LARGE1: variants seen among roughly 807,000 people sequenced by gnomAD.
LARGE1 encodes the protein LARGE xylosyl- and glucuronyltransferase 1, also known as xylosyl- and glucuronyltransferase LARGE1.
Under a neutral mutation model 87.6 loss-of-function variants are expected in LARGE1, and 43 were observed. That is an observed-to-expected ratio of 0.49 (90% CI 0.38 to 0.63). The LOEUF is 0.63. LARGE1 is among the 30% of genes least tolerant of loss of function. The pLI is 0.00. For synonymous variants in LARGE1, 434 were observed against 394.6 expected, an observed-to-expected ratio of 1.10 and a Z score of -1.18; for missense variants, 802 against 1,000.2, an observed-to-expected ratio of 0.80 and a Z score of 2.67.
chr22:33,545,489 T>A (rs1602353601), intron 6 of LARGE1, among the ~76,000 whole-genome samples: 1 of 151,984 alleles, frequency 6.6e-6, no homozygotes, highest in East Asian at 1.9e-4. Flanking sequence ...TTGCCCAGGC[T>A]GGAGTGCAGT....
At chr22:33,727,776 C>G (rs1260520384) in intron 2 of LARGE1, 1 of 152,198 alleles carries the variant, frequency 6.6e-6, no homozygotes, top group Non-Finnish European at 1.5e-5. Flanking sequence ...GAAACTAGTT[C>G]CTCTCTCTAA....
chr22:33,276,107 G>A (rs1027928030), intron 14 of LARGE1, among the ~76,000 whole-genome samples: 1 of 151,910 alleles, frequency 6.6e-6, no homozygotes, highest in African/African-American at 2.4e-5. Context: ...AACGGCCAGC[G>A]CTCAGTATCC....
At chr22:33,174,719 C>T (rs1193900071) in intron 11 of LARGE1, among the ~76,000 whole-genome samples, 3 of 152,014 alleles carry the variant, frequency 2.0e-5, no homozygotes, top group Admixed American at 6.6e-5. Flanking sequence ...AACACCTCTA[C>T]GCAAGTAAAC....
intron 11 of LARGE1, among the ~76,000 whole-genome samples, chr22:33,185,568 A>G (rs1439340693): frequency 5.3e-5 from 8 of 152,122 alleles, no homozygotes; most frequent in African/African-American, 1.7e-4. Context: ...GGTGATAATG[A>G]TATGTCAATG....
At chr22:33,791,151 C>T (rs541565823) in intron 1 of LARGE1, among the ~76,000 whole-genome samples, 14 of 152,184 alleles carry the variant, frequency 9.2e-5, no homozygotes, top group African/African-American at 2.9e-4. Flanking sequence ...AGCTCATGAG[C>T]GAGATAAATC....
At chr22:33,286,698 C>A (rs570358866) in intron 12 of LARGE1, among the ~76,000 whole-genome samples, 1 of 152,112 alleles carries the variant, frequency 6.6e-6, no homozygotes, top group South Asian at 2.1e-4. Context: ...GAGGGCAGAA[C>A]TATAAAGGGA....
the LARGE1 span, among the ~76,000 whole-genome samples, chr22:33,089,371 C>CTTCTTCTTCTTCTT: frequency 3.9e-5 from 3 of 76,048 alleles, no homozygotes; most frequent in African/African-American, 1.3e-4. Context: ...TTCTTCTTCT[C>CTTCTTCTTCTTCTT]CTTCTTCTTC....
intron 11 of LARGE1, among the ~76,000 whole-genome samples, chr22:33,228,184 A>G (rs1198811662): frequency 6.6e-6 from 1 of 152,252 alleles, no homozygotes; most frequent in Admixed American, 6.5e-5. Flanking sequence ...ATACATCTGA[A>G]GTATTTAGAG....
intron 1 of LARGE1, among the ~76,000 whole-genome samples, chr22:33,821,497 G>A (rs909660099): frequency 6.6e-6 from 1 of 152,140 alleles, no homozygotes; most frequent in South Asian, 2.1e-4. Context: ...TCTGACAAAT[G>A]TTTGTCTGAC....
At chr22:33,581,209 C>T (rs1602547991) in intron 5 of LARGE1, among the ~76,000 whole-genome samples, 1 of 152,130 alleles carries the variant, frequency 6.6e-6, no homozygotes, top group African/African-American at 2.4e-5. Flanking sequence ...TTAAAATTTG[C>T]CCCTTCTGAC....
At chr22:33,571,547 T>A (rs2078205062) in intron 5 of LARGE1, among the ~76,000 whole-genome samples, 1 of 151,890 alleles carries the variant, frequency 6.6e-6, no homozygotes. Flanking sequence ...GAAAAGAGAC[T>A]GGTTTTGTCA....
intron 6 of LARGE1, among the ~76,000 whole-genome samples, chr22:33,439,582 ACTCT>A (rs923856521): frequency 2.0e-5 from 3 of 151,434 alleles, no homozygotes; most frequent in African/African-American, 7.3e-5. Context: ...CCCTTTTGTT[ACTCT>A]CTATTTTATC....
intron 9 of LARGE1, among the ~76,000 whole-genome samples, chr22:33,377,857 A>G (rs1035419549): frequency 6.6e-6 from 1 of 152,212 alleles, no homozygotes; most frequent in Non-Finnish European, 1.5e-5. Context: ...ATATCCATTT[A>G]ATTTCAATAA....
intron 6 of LARGE1, among the ~76,000 whole-genome samples, chr22:33,489,014 G>A (rs2069706822): frequency 1.3e-5 from 2 of 152,180 alleles, no homozygotes; most frequent in Non-Finnish European, 2.9e-5. Flanking sequence ...TCTCTGCTCA[G>A]TCCACCAGCA....
chr22:33,879,159 AC>A (rs1367095826), intron 1 of LARGE1, among the ~76,000 whole-genome samples: 1 of 151,994 alleles, frequency 6.6e-6, no homozygotes, highest in African/African-American at 2.4e-5. Flanking sequence ...TTTAGTAGAG[AC>A]AGGGTTTCTC....
intron 2 of LARGE1, among the ~76,000 whole-genome samples, chr22:33,720,659 G>A (rs1452505216): frequency 3.3e-5 from 5 of 152,222 alleles, no homozygotes; most frequent in African/African-American, 4.8e-5. Flanking sequence ...AGAGTCCAGA[G>A]AATGTGGCCT....
chr22:33,790,504 C>A (rs545511140), intron 1 of LARGE1, among the ~76,000 whole-genome samples: 3 of 152,246 alleles, frequency 2.0e-5, no homozygotes, highest in African/African-American at 7.2e-5. Context: ...ATATTTTTAA[C>A]TCTAGAACTC....
intron 1 of LARGE1, among the ~76,000 whole-genome samples, chr22:33,891,423 T>C (rs2065001846): frequency 7.4e-6 from 1 of 135,742 alleles, no homozygotes; most frequent in Non-Finnish European, 1.5e-5. Context: ...CAAGGCACCA[T>C]GCTATGTGCT....
At chr22:33,270,330 G>A (rs1296553025), downstream of LARGE1, among the ~76,000 whole-genome samples, 2 of 152,080 alleles carry the variant, frequency 1.3e-5, no homozygotes, top group African/African-American at 2.4e-5. Context: ...TGAGGAAAAC[G>A]AAGTATATGA....
Sources: gnomAD v4.1 joint callset for allele counts (sites outside exome capture counted in the v4.1 genomes callset) on GRCh38, gnomAD v4.1.1 for gene constraint, MANE v1.5 for transcripts, NCBI Gene and HGNC (gene_info 2026-07-23, HGNC 2026-07-21) for gene names.